The following PYGO1 variants were observed in gnomAD, a reference collection of about 807,000 sequenced individuals.
The protein encoded by PYGO1 is pygopus homolog 1.
PYGO1 carries 6 observed loss-of-function variants against 29.5 expected under a neutral mutation model. That is an observed-to-expected ratio of 0.20 (90% confidence interval 0.11 to 0.40). The LOEUF (loss-of-function observed/expected upper bound fraction) is 0.40, where lower values mean the gene tolerates loss of function less well. Among genes scored for constraint, PYGO1 ranks in the 10% least tolerant of loss-of-function variants. The probability of loss-of-function intolerance (pLI) is 1.00; values close to 1 mark genes in which losing one functional copy is unlikely to be tolerated. For missense variants in PYGO1, 515 were observed against 514.9 expected (o/e 1.00, Z 0.00); for synonymous variants, 186 against 180.5 (o/e 1.03, Z -0.24).
intron 1 of PYGO1, among the ~76,000 whole-genome samples, chr15:55,570,633 T>C (rs1479874352): frequency 6.6e-6 from 1 of 152,098 alleles, no homozygotes; most frequent in Non-Finnish European, 1.5e-5. Flanking sequence ...GATTTTTACA[T>C]TTATAAAAAT....
Sources: gnomAD v4.1 joint callset for allele counts (sites outside exome capture counted in the v4.1 genomes callset) on GRCh38, gnomAD v4.1.1 for gene constraint, MANE v1.5 for transcripts, NCBI Gene and HGNC (gene_info 2026-07-23, HGNC 2026-07-21) for gene names.